ACADVL: variants seen among roughly 807,000 people sequenced by gnomAD.
ACADVL encodes the protein acyl-CoA dehydrogenase very long chain.
In ACADVL, 73 loss-of-function variants were observed where a neutral mutation model predicts 80.4. The ratio of observed to expected loss-of-function variants is 0.91; its 90% CI spans 0.75 to 1.10. The LOEUF (loss-of-function observed/expected upper bound fraction) is 1.10. Ranked by LOEUF, ACADVL falls within the 50% of genes least tolerant of loss-of-function variation. ACADVL has a pLI of 0.00. For synonymous variants in ACADVL, 392 were observed against 326.5 expected (o/e 1.20, Z -2.16); for missense variants, 878 against 858.9 (o/e 1.02, Z -0.28).
At chr17:7,218,728 T>G, upstream of ACADVL, 1 of 1,567,762 alleles carries the variant, frequency 6.4e-7, no homozygotes, top group Non-Finnish European at 8.7e-7. Flanking sequence ...GACTGTGCCC[T>G]TCACCCCAGC....
At chr17:7,223,469 C>G (rs2071330475) in intron 11 of ACADVL, 175 bp from the exon 12 acceptor site, 2 of 843,884 alleles carry the variant, frequency 2.4e-6, no homozygotes, top group Non-Finnish European at 4.1e-6. Flanking sequence ...TCCCTTACAT[C>G]CACCCCTTTT....
In ACADVL at chr17:7,224,810, G is replaced by A; in HGVS notation, c.1753G>A (p.Ala585Thr). ...TTTTCATCTCCTGCTTCCTGCCAGGGCCTCAAGATCCCTGAGTGAGGGCCA... is the reference window on the plus strand; with the variant it reads ...TTTTCATCTCCTGCTTCCTGCCAGGACCTCAAGATCCCTGAGTGAGGGCCA... ...LYAMVVVLSR[A>T]SRSLSEGHPT... The change falls in exon 19 of 20, where the codon GCC (alanine) becomes ACC (threonine). Residue 585 changes from alanine (A) to threonine (T), a missense_variant and splice_region_variant. Coordinates refer to ENST00000356839, the MANE Select transcript of ACADVL (RefSeq NM_000018.4). 1.2e-6 allele frequency: 2 copies of A among 1,614,010 alleles called. No homozygotes were observed. Among genetic ancestry groups the A allele is most frequent in the Non-Finnish European group, 1.7e-6 (2 of 1,180,028 alleles).
chr17:7,218,835 T>G, upstream of ACADVL: 2 of 1,613,856 alleles, frequency 1.2e-6, no homozygotes, highest in Non-Finnish European at 1.7e-6. Context: ...TTTCACCTCT[T>G]GGTCTCTGGG....
rs1329022268 is a variant in ACADVL at position 7,220,154 on chromosome 17, GGCCCGGCCCT to G, written c.103_112del (p.Pro35GlyfsTer23). ...CTCACGGCGCTCCTGGGGCAGCCCC[GGCCCGGCCCT>G]GCCCGGCGGCCCTATGCCGGGGGTG... On this transcript the variant is annotated frameshift_variant, in exon 2 of 20. Transcript: ENST00000356839. LOFTEE classifies it high-confidence loss of function. The G allele has an allele frequency of 1.9e-6, 3 of 1,545,482 alleles. No homozygotes were observed. The highest frequency in any genetic ancestry group is 2.6e-6 in the Non-Finnish European group (3 of 1,152,216).
At chr17:7,221,507 T>C in intron 6 of ACADVL, 31 bp from the exon 7 acceptor site, 2 of 1,611,446 alleles carry the variant, frequency 1.2e-6, no homozygotes, top group Non-Finnish European at 1.7e-6. Context: ...CTGCAGCCAG[T>C]GACAACCCCA....
upstream of ACADVL, chr17:7,219,320 C>T: frequency 1.1e-6 from 1 of 880,914 alleles, no homozygotes; most frequent in Non-Finnish European, 1.4e-6. Context: ...CTGGAAGGAA[C>T]AGAGGGCAAA....
Position 7,220,047 on chromosome 17 carries a change from G to T in ACADVL, c.62+1G>T. The stretch of plus-strand genomic sequence containing the variant: ...AGCTGCTGAGGCTCGGGGGCGGAAG[G>T]TCTGTGTGTGACAAGAGGGACGGTG... On this transcript the variant is annotated splice_donor_variant, in intron 1 of 19. Coordinates refer to ENST00000356839, the MANE Select transcript of ACADVL (RefSeq NM_000018.4). LOFTEE classifies it high-confidence loss of function. The T allele has an allele frequency of 6.2e-7, 1 of 1,603,242 alleles. No homozygotes were observed.
intron 9 of ACADVL, 162 bp from the exon 10 acceptor site, chr17:7,222,505 G>A (rs1193049522): frequency 8.8e-7 from 1 of 1,134,804 alleles, no homozygotes; most frequent in South Asian, 1.4e-5. Flanking sequence ...GACATAGCCA[G>A]GCCTCCTTAG....
Position 7,220,409 on chromosome 17 carries a change from C to T in ACADVL, c.139-55C>T, listed in dbSNP as rs2071140574. 3 of 1,610,572 alleles carry T rather than the reference C, an allele frequency of 1.9e-6. No individual in the cohort carries two copies. In the South Asian group the frequency reaches 3.3e-5, roughly 18 times the overall value. ...CCCCGCGCGGCTCTCGCCTGTTCTC[C>T]CCTTGACACAGCGGAAGTCCCTTCC... is the stretch of plus-strand genomic sequence containing the variant. On this transcript the variant is annotated intron_variant, in intron 2 of 19. Transcript: ENST00000356839.
At position 7,223,137 on chromosome 17, in the gene ACADVL, A is replaced by G. The variant is rs1214845060; in HGVS notation, c.1082A>G (p.Asp361Gly). ...TMRGIIAKAV[D>G]HATNRTQFGE... ...GATGTGTGGACCCTCTTCCAGGTAG[A>G]TCATGCCACTAATCGTACCCAGTTT... Residue 361 changes from aspartate to glycine, a missense_variant, in exon 11 of 20, where the codon GAT (aspartate) becomes GGT (glycine). Physicochemically the swap from Asp to Gly is moderately conservative, Grantham distance 94. Transcript: ENST00000356839. 6.2e-7 allele frequency: 1 copy of G among 1,612,880 alleles called. No homozygotes were observed. The highest frequency in any genetic ancestry group is 1.1e-5 in the South Asian group (1 of 91,060).
chr17:7,222,150 C>G (rs374911841), intron 8 of ACADVL, 27 bp from the exon 9 acceptor site: 2 of 1,614,084 alleles, frequency 1.2e-6, no homozygotes, highest in Non-Finnish European at 1.7e-6. Flanking sequence ...CCGTCCTCCA[C>G]GCCCTGAATA....
intron 7 of ACADVL, 122 bp from the exon 8 acceptor site, chr17:7,221,830 G>A (rs2056554735): frequency 2.5e-6 from 4 of 1,589,646 alleles, no homozygotes; most frequent in Admixed American, 3.3e-5. Context: ...GTTGGGACAT[G>A]CAAAAGAACT....
rs556533610 is a variant in ACADVL at position 7,223,503 on chromosome 17, C to T, written c.1183-141C>T. 388 of 963,966 alleles carry T rather than the reference C, an allele frequency of 4.0e-4. 7 individuals are homozygous for T. In the South Asian group the frequency reaches 4.9e-3, roughly 12 times the overall value. 59.7% of individuals were successfully genotyped at this position (963,966 alleles called of 1,614,324 possible). A position where few individuals can be genotyped will look rare whatever the true frequency, so the allele number is the denominator to read the frequency against. On this transcript the variant is annotated intron_variant, in intron 11 of 19. Transcript: ENST00000356839. ...TTAAGAAAACAAATACCTGGAAGCA[C>T]CTGATGAACTGACCCAGAACAAGTA...
Position 7,220,807 on chromosome 17 carries a change from G to C in ACADVL, c.319G>C (p.Glu107Gln). The change falls in exon 5 of 20, where the codon GAG becomes CAG. Residue 107 changes from glutamate (E) to glutamine (Q), a missense_variant. Glu to Gln is a conservative substitution (Grantham distance 29). Transcript: ENST00000356839. ...EQTQFLKELV[E>Q]PVSRFFEEVN... Reference sequence around the variant, plus strand: ...GACACAGTTTCTTAAAGAGCTGGTGGAGCCTGTGTCCCGTTTCTTCGAGGT... The same window carrying C: ...GACACAGTTTCTTAAAGAGCTGGTGCAGCCTGTGTCCCGTTTCTTCGAGGT... The C allele has an allele frequency of 6.2e-7, 1 of 1,614,114 alleles. No individual in the cohort carries two copies. The highest frequency in any genetic ancestry group is 8.5e-7 in the Non-Finnish European group (1 of 1,180,028).
chr17:7,219,956 G>C lies in ACADVL; in HGVS notation c.-29G>C, dbSNP rs756203774. The C allele has an allele frequency of 7.5e-6, 12 of 1,591,034 alleles. No homozygotes were observed. In the Admixed American group the frequency reaches 1.6e-4, roughly 21 times the overall value. On this transcript the variant is annotated 5_prime_UTR_variant, in exon 1 of 20. Coordinates refer to ENST00000356839, the MANE Select transcript of ACADVL (RefSeq NM_000018.4). The stretch of plus-strand genomic sequence containing the variant: ...GGACGCCAGAGCTGGGTCAGAGCTC[G>C]AGCCAGCGGCGCCCGGAGAGATTCG...
chr17:7,220,702 G>A (rs2071162755), intron 4 of ACADVL, 26 bp downstream of exon 4: 7 of 1,614,188 alleles, frequency 4.3e-6, no homozygotes, highest in Non-Finnish European at 5.9e-6. Flanking sequence ...ATCAGAGCTG[G>A]GTGGGGCCAG....
At chr17:7,218,660 T>C (rs2071046752), upstream of ACADVL, 1 of 1,555,804 alleles carries the variant, frequency 6.4e-7, no homozygotes, top group Non-Finnish European at 8.7e-7. Flanking sequence ...GCAAGGAGAA[T>C]TGGGACAGGG....
chr17:7,225,170 C>T lies in ACADVL; in HGVS notation c.*73C>T, dbSNP rs573674951. ...AAAGCCGAAGCCCCTTTCCTTAAGG[C>T]CCTGGTTTGTCCCGAAGGGGCCTAG... is the stretch of plus-strand genomic sequence containing the variant. On this transcript the variant is annotated 3_prime_UTR_variant, in exon 20 of 20. Transcript: ENST00000356839. 48 of 1,605,474 alleles carry T rather than the reference C, an allele frequency of 3.0e-5. No individual in the cohort carries two copies. The South Asian group carries it at 4.8e-4, about 16-fold the overall frequency.
intron 2 of ACADVL, 39 bp from the exon 3 acceptor site, chr17:7,220,425 A>C: frequency 5.0e-6 from 8 of 1,612,792 alleles, no homozygotes; most frequent in Non-Finnish European, 6.8e-6. Flanking sequence ...ACACAGCGGA[A>C]GTCCCTTCCC....
Sources: gnomAD v4.1 joint callset for allele counts on GRCh38, gnomAD v4.1.1 for gene constraint, MANE v1.5 for transcripts, NCBI Gene and HGNC (gene_info 2026-07-23, HGNC 2026-07-21) for gene names.